The following IFT122 variants were observed in gnomAD, a reference collection of about 807,000 sequenced individuals.
IFT122 encodes intraflagellar transport 122, also known as intraflagellar transport protein 122 homolog.
IFT122 carries 118 observed loss-of-function variants against 161.6 expected under a neutral mutation model. The observed-to-expected ratio is 0.73, with a 90% CI of 0.63 to 0.85. The LOEUF (loss-of-function observed/expected upper bound fraction) is 0.85, where lower values mean the gene tolerates loss of function less well. IFT122 is among the 40% of genes least tolerant of loss of function. The pLI, the probability that IFT122 is intolerant of heterozygous loss-of-function variation, is 0.00. For synonymous variants in IFT122, 550 were observed against 602.4 expected (o/e 0.91, Z 1.27); for missense variants, 1,381 against 1,579.6 (o/e 0.87, Z 2.13).
chr3:129,498,019 C>T (rs1014183126), intron 18 of IFT122, among the ~76,000 whole-genome samples: 10 of 152,240 alleles, frequency 6.6e-5, no homozygotes, highest in African/African-American at 2.4e-4. Context: ...AGCATGAGAA[C>T]ACTGTTTAGT....
intron 26 of IFT122, 93 bp from the exon 27 acceptor site, chr3:129,517,376 G>A (rs566886399): frequency 6.4e-7 from 1 of 1,556,080 alleles, no homozygotes; most frequent in African/African-American, 1.4e-5. Flanking sequence ...CTGCCAGTGG[G>A]TTGAGAAGCA....
At chr3:129,473,341 G>A (rs142653024) in intron 9 of IFT122, among the ~76,000 whole-genome samples, 50 of 152,308 alleles carry the variant, frequency 3.3e-4, no homozygotes, top group Admixed American at 7.8e-4. Context: ...CATTTGGGTC[G>A]TCATGGTTCA....
At chr3:129,515,070 C>G in intron 25 of IFT122, 1 of 382,834 alleles carries the variant, frequency 2.6e-6, no homozygotes, top group Non-Finnish European at 5.0e-6. Context: ...GCTCCACCCT[C>G]TCCTAGCTCT....
chr3:129,471,593 A>T, intron 9 of IFT122, among the ~76,000 whole-genome samples: 1 of 152,214 alleles, frequency 6.6e-6, no homozygotes, highest in South Asian at 2.1e-4. Context: ...AATATCTTGC[A>T]TGTATGCAGC....
In IFT122 at chr3:129,479,872, G is replaced by A. The variant is rs747557748; in HGVS notation, c.1438G>A (p.Gly480Ser). ...ESLIRYIKVI[G>S]GPPGREGLLV... is the part of the protein sequence containing the mutation. Reference sequence around the variant, plus strand: ...TCTCATTCGTTACATCAAGGTGATCGGTGGCCCTCCTGGAAGAGAAGGCCT... The same window carrying A: ...TCTCATTCGTTACATCAAGGTGATCAGTGGCCCTCCTGGAAGAGAAGGCCT... Residue 480 changes from glycine (G) to serine (S), a missense_variant, in exon 13 of 30, where the codon GGT (glycine) becomes AGT (serine). By Grantham distance (56) the Gly-to-Ser change is moderately conservative. This residue lies in a region of IFT122 where 544 missense variants were observed against 648.0 expected (regional missense o/e 0.84). Transcript: ENST00000348417. The A allele has an allele frequency of 1.6e-5, 26 of 1,613,888 alleles. No homozygotes were observed. The highest frequency in any genetic ancestry group is 8.0e-5 in the African/African-American group (6 of 74,872).
chr3:129,514,677 C>A, intron 25 of IFT122, 123 bp downstream of exon 25: 1 of 1,150,406 alleles, frequency 8.7e-7, no homozygotes, highest in East Asian at 2.4e-5. Flanking sequence ...GGCTCTGTGC[C>A]CCCTGCTCAA....
Position 129,476,436 on chromosome 3 carries a change from G to A in IFT122, c.938G>A (p.Arg313Gln), listed in dbSNP as rs376018883. Residue 313 changes from arginine to glutamine, a missense_variant, in exon 10 of 30, where the codon CGG (arginine) becomes CAG (glutamine). Arg to Gln is a conservative substitution (Grantham distance 43, BLOSUM62 1). Coordinates refer to ENST00000348417, the MANE Select transcript of IFT122 (RefSeq NM_052989.3). ...TCTCTTTTCACCAAGGATGGAGTGC[G>A]GCTTGGGACTGTTGGGGAGCAGAAC... ...QVSLFTKDGV[R>Q]LGTVGEQNSW... The A allele has an allele frequency of 2.7e-5, 43 of 1,614,128 alleles. No homozygotes were observed. Among genetic ancestry groups the A allele is most frequent in the Admixed American group, 2.0e-4 (12 of 60,016 alleles).
At chr3:129,516,521 GCA>G (rs998063120) in intron 26 of IFT122, among the ~76,000 whole-genome samples, 1 of 78,316 alleles carries the variant, frequency 1.3e-5, no homozygotes, top group Non-Finnish European at 2.4e-5. Flanking sequence ...GCCCCTGCGT[GCA>G]CACACAGAGA....
intron 22 of IFT122, among the ~76,000 whole-genome samples, chr3:129,507,157 C>G (rs1038110324): frequency 6.6e-6 from 1 of 152,202 alleles, no homozygotes; most frequent in African/African-American, 2.4e-5. Context: ...GTCCTGGTCC[C>G]TTTGGTTGCT....
At chr3:129,512,466 C>T in intron 24 of IFT122, 54 bp downstream of exon 24, 2 of 1,220,918 alleles carry the variant, frequency 1.6e-6, no homozygotes, top group Non-Finnish European at 2.4e-6. Context: ...TCTAATGGCC[C>T]CAAGAAATTC....
At chr3:129,481,420 A>C (rs931852080) in intron 13 of IFT122, 110 bp from the exon 14 acceptor site, 6 of 918,122 alleles carry the variant, frequency 6.5e-6, no homozygotes, top group Non-Finnish European at 5.2e-6. Flanking sequence ...GCTTCTGGTG[A>C]AGGTGGTGGG....
chr3:129,518,433 T>A (rs140152791), intron 27 of IFT122, among the ~76,000 whole-genome samples: 1 of 152,162 alleles, frequency 6.6e-6, no homozygotes, highest in African/African-American at 2.4e-5. Context: ...AAGCCTGCCT[T>A]CCTTGCAGCT....
Position 129,459,730 on chromosome 3 carries a change from C to T in IFT122, c.272+1053C>T, listed in dbSNP as rs1418173085. 7.9e-4 allele frequency among the ~76,000 whole-genome samples: 80 copies of T among 101,088 alleles called. 2 individuals carry two copies. Among genetic ancestry groups the T allele is most frequent in the African/African-American group, 3.8e-3 (69 of 18,264 alleles). The allele number at this position is 101,088 out of a possible 152,430, so 66.3% of individuals were successfully genotyped here. A position where few individuals can be genotyped will look rare whatever the true frequency, so the allele number is the denominator to read the frequency against. On this transcript the variant is annotated intron_variant, in intron 4 of 29. Transcript: ENST00000348417. Reference sequence around the variant, plus strand: ...CTTCCTTCCTTCCTTCCTTCCTTCCCTCCCTCCCTCCCTTCTTCCTTCCTT... The same window carrying T: ...CTTCCTTCCTTCCTTCCTTCCTTCCTTCCCTCCCTCCCTTCTTCCTTCCTT...
At chr3:129,506,274 C>T (rs1467180778) in intron 21 of IFT122, 135 bp from the exon 22 acceptor site, 20 of 962,446 alleles carry the variant, frequency 2.1e-5, no homozygotes, top group Admixed American at 3.6e-5. Context: ...ATCCCAGCAA[C>T]GAAGCACTGC....
chr3:129,446,370 G>A lies in IFT122; in HGVS notation c.42-3501G>A, dbSNP rs562024511. Among the ~76,000 whole-genome samples, 7 of 151,440 alleles carry A rather than the reference G, an allele frequency of 4.6e-5. No homozygotes were observed. The East Asian group carries it at 1.2e-3, about 25-fold the overall frequency. ...CTCCCGTGTAGCTGGGACTATAGGT[G>A]CCCGCCATCATGCTTGGCTAATTTT... On this transcript the variant is annotated intron_variant, in intron 1 of 29. Coordinates refer to ENST00000348417, the MANE Select transcript of IFT122 (RefSeq NM_052989.3).
At chr3:129,492,852 T>C (rs2080312824) in intron 17 of IFT122, among the ~76,000 whole-genome samples, 1 of 143,082 alleles carries the variant, frequency 7.0e-6, no homozygotes. Context: ...AAGGTCTCAC[T>C]CTGTTCCCCA....
chr3:129,499,362 C>G (rs936445672), intron 18 of IFT122, among the ~76,000 whole-genome samples: 3 of 152,230 alleles, frequency 2.0e-5, no homozygotes, highest in Admixed American at 6.5e-5. Context: ...GGCCGGCAAA[C>G]ACTGTAAGTC....
In IFT122 at chr3:129,504,401, G is replaced by T. The variant is rs561698295; in HGVS notation, c.2630G>T (p.Arg877Leu). The T allele has an allele frequency of 1.9e-6, 3 of 1,613,828 alleles. No homozygotes were observed. The highest frequency in any genetic ancestry group is 2.7e-5 in the African/African-American group (2 of 74,910). Residue 877 changes from arginine (R) to leucine (L), a missense_variant, in exon 21 of 30, where the codon CGC (arginine) becomes CTC (leucine). By Grantham distance (102) the Arg-to-Leu change is moderately radical. Transcript: ENST00000348417. ...PYAQWLAEND[R>L]FEEAQKAFHK... ...GCTCAGTGGCTAGCAGAGAACGATC[G>T]CTTTGAGGAAGCCCAGAAAGGTAGG...
intron 26 of IFT122, 143 bp from the exon 27 acceptor site, chr3:129,517,326 C>T: frequency 1.0e-6 from 1 of 964,480 alleles, no homozygotes; most frequent in Non-Finnish European, 1.6e-6. Flanking sequence ...CACACACATA[C>T]AGAGACTGCC....
Sources: allele counts gnomAD v4.1 joint callset (sites outside exome capture counted in the v4.1 genomes callset), GRCh38; gene constraint gnomAD v4.1.1; regional missense constraint gnomAD v4.1.1; transcripts MANE v1.5; gene names NCBI Gene and HGNC (gene_info 2026-07-23, HGNC 2026-07-21).